The following LITAF variants were observed in gnomAD, a reference collection of about 807,000 sequenced individuals.
The protein encoded by LITAF is lipopolysaccharide induced TNF factor.
In LITAF, 9 loss-of-function variants were observed where a neutral mutation model predicts 14.5. That is an observed-to-expected ratio of 0.62 (90% CI 0.37 to 1.08). The LOEUF is 1.08. Among genes scored for constraint, LITAF ranks in the 50% least tolerant of loss-of-function variants. The probability of loss-of-function intolerance (pLI) is 0.01; values close to 1 mark genes in which losing one functional copy is unlikely to be tolerated. For synonymous variants in LITAF, 98 were observed against 88.2 expected (o/e 1.11, Z -0.62); for missense variants, 206 against 213.4 (o/e 0.97, Z 0.22).
Position 11,549,538 on chromosome 16 carries a change from G to A in LITAF, c.*99C>T, listed in dbSNP as rs149712652. ...ACATGAAGGTGGGCCCCCTGGAGAG[G>A]TGAGACCACCAGGGCAGAACCTCCA... is the stretch of plus-strand genomic sequence containing the variant. On this transcript the variant is annotated 3_prime_UTR_variant, in exon 4 of 4. Coordinates refer to ENST00000622633, the MANE Select transcript of LITAF (RefSeq NM_001136472.2). This position sits in a 1 kb window ranked among gnomAD's most constrained non-coding sequence, Gnocchi z 4.6. 6.3e-3 allele frequency: 5,513 copies of A among 874,244 alleles called. 28 individuals carry two copies. The highest frequency in any genetic ancestry group is 0.015 in the South Asian group (1,053 of 70,256). 54.2% of individuals were successfully genotyped at this position (874,244 alleles called of 1,614,324 possible). A position where few individuals can be genotyped will look rare whatever the true frequency, so the allele number is the denominator to read the frequency against.
rs2064309124 is a variant in LITAF, at chr16:11,558,524, A to C, written c.-5-1789T>G. On this transcript the variant is annotated intron_variant, in intron 1 of 3. Transcript: ENST00000622633. This position sits in a 1 kb window ranked among gnomAD's most constrained non-coding sequence, Gnocchi z 4.1. ...GGAATTCACCACCAGCCTGGGCAAC[A>C]TAGTGAGACCCTGTCTCTACAACGA... Among the ~76,000 whole-genome samples the C allele has an allele frequency of 6.6e-6, 1 of 152,148 alleles. No homozygotes were observed. The highest frequency in any genetic ancestry group is 1.5e-5 in the Non-Finnish European group (1 of 68,018).
chr16:11,626,961 G>A (rs183757192), intron 3 of LITAF, among the ~76,000 whole-genome samples: 2 of 152,140 alleles, frequency 1.3e-5, no homozygotes, highest in Admixed American at 1.3e-4. Context: ...TCCCACCGCA[G>A]CCTCCCAAGT....
At chr16:11,580,562 T>A in intron 1 of LITAF, among the ~76,000 whole-genome samples, 1 of 151,978 alleles carries the variant, frequency 6.6e-6, no homozygotes, top group East Asian at 1.9e-4. Flanking sequence ...GGCTGGAAGA[T>A]CTTAACTTAG....
chr16:11,609,301 T>G (rs1036045103), intron 3 of LITAF, among the ~76,000 whole-genome samples: 1 of 150,492 alleles, frequency 6.6e-6, no homozygotes, highest in Non-Finnish European at 1.5e-5. Flanking sequence ...AACCTCCACC[T>G]CCTGAGTTCA....
At chr16:11,576,554 A>AAAAAAAAC (rs1555469756) in intron 1 of LITAF, among the ~76,000 whole-genome samples, 1 of 116,660 alleles carries the variant, frequency 8.6e-6, no homozygotes, top group Non-Finnish European at 1.7e-5. Context: ...AAAAAAAAAA[A>AAAAAAAAC]AGAGAGAGAG....
intron 1 of LITAF, chr16:11,636,150 G>C (rs1229854634): frequency 6.6e-6 from 1 of 152,226 alleles, no homozygotes; most frequent in Non-Finnish European, 1.5e-5. Context: ...CAATTCTCCA[G>C]CCTCCTCGGA....
chr16:11,551,030 A>G (rs2064174337), intron 3 of LITAF, among the ~76,000 whole-genome samples: 2 of 152,178 alleles, frequency 1.3e-5, no homozygotes, highest in Non-Finnish European at 2.9e-5. Flanking sequence ...TCCCCAAATA[A>G]TGCCTCTTAA....
chr16:11,610,900 G>A (rs11640929), intron 3 of LITAF, among the ~76,000 whole-genome samples: 54,729 of 151,854 alleles, frequency 0.36, 12,022 homozygotes, highest in Middle Eastern at 0.49. Flanking sequence ...CATGGAAGAC[G>A]GAACAAGACC....
In LITAF at chr16:11,581,274, G is replaced by T. The variant is rs141772040; in HGVS notation, c.-6+5612C>A. Among the ~76,000 whole-genome samples, 8 of 152,282 alleles carry T rather than the reference G, an allele frequency of 5.3e-5. No homozygotes were observed. In the South Asian group the frequency reaches 1.4e-3, roughly 28 times the overall value. The stretch of plus-strand genomic sequence containing the variant: ...GAAAGTCTTCTCTCTCCCCTACATA[G>T]GCCAAGAGTAAGAAAAACTATAAGG... On this transcript the variant is annotated intron_variant, in intron 1 of 3. Coordinates refer to ENST00000622633, the MANE Select transcript of LITAF (RefSeq NM_001136472.2).
intron 2 of LITAF, among the ~76,000 whole-genome samples, chr16:11,555,408 A>G (rs1012903090): frequency 5.3e-5 from 8 of 152,136 alleles, no homozygotes; most frequent in African/African-American, 1.4e-4. Flanking sequence ...GATAATTCTA[A>G]CACTTTGGGA....
At chr16:11,575,186 G>C (rs2064611746) in intron 1 of LITAF, among the ~76,000 whole-genome samples, 1 of 152,170 alleles carries the variant, frequency 6.6e-6, no homozygotes, top group African/African-American at 2.4e-5. Context: ...AAAGGATTGA[G>C]AGATGTGGAC....
chr16:11,587,354 C>T, upstream of LITAF: 1 of 452,782 alleles, frequency 2.2e-6, no homozygotes, highest in Non-Finnish European at 4.4e-6. Context: ...CCCGGACCCG[C>T]GCTGGGGCGC....
rs1341185052 is a variant in LITAF, at chr16:11,553,749, C to T, written c.221-60G>A. On this transcript the variant is annotated intron_variant, in intron 2 of 3. Transcript: ENST00000622633. This position sits in a 1 kb window ranked among gnomAD's most constrained non-coding sequence, Gnocchi z 7.7. ...CAGGAAACAAGGCCAATAGCATTCACTACAGGACAAAGAGAGGAACGCAGG... is the reference window on the plus strand; with the variant it reads ...CAGGAAACAAGGCCAATAGCATTCATTACAGGACAAAGAGAGGAACGCAGG... 4 of 1,586,550 alleles carry T rather than the reference C, an allele frequency of 2.5e-6. No individual in the cohort carries two copies. Among genetic ancestry groups the T allele is most frequent in the Admixed American group, 1.7e-5 (1 of 59,334 alleles).
chr16:11,570,029 C>CAAAAAAAAAAA (rs61431032), intron 1 of LITAF, among the ~76,000 whole-genome samples: 8 of 122,818 alleles, frequency 6.5e-5, no homozygotes, highest in African/African-American at 1.5e-4. Context: ...GACTTTGCCT[C>CAAAAAAAAAAA]AAAAAAAAAA....
At chr16:11,563,559 A>G (rs1485112204) in intron 1 of LITAF, among the ~76,000 whole-genome samples, 1 of 152,150 alleles carries the variant, frequency 6.6e-6, no homozygotes, top group African/African-American at 2.4e-5. Context: ...CTAATACATG[A>G]AAGTGCGTTT....
At chr16:11,639,912 G>A (rs2065157956), upstream of LITAF, among the ~76,000 whole-genome samples, 1 of 152,152 alleles carries the variant, frequency 6.6e-6, no homozygotes, top group Non-Finnish European at 1.5e-5. Context: ...GTAGCTGGGA[G>A]TACAGGCGAG....
intron 3 of LITAF, among the ~76,000 whole-genome samples, chr16:11,628,009 CAAAAAA>C (rs34480494): frequency 1.8e-5 from 1 of 54,752 alleles, no homozygotes; most frequent in Non-Finnish European, 3.2e-5. Flanking sequence ...GAGACTCTGT[CAAAAAA>C]AAAAAAAAAA....
intron 1 of LITAF, among the ~76,000 whole-genome samples, chr16:11,576,647 C>T (rs901829343): frequency 2.0e-5 from 3 of 151,018 alleles, no homozygotes; most frequent in East Asian, 3.9e-4. Context: ...AACAGTCCAA[C>T]ATGGGGCTGA....
chr16:11,614,121 T>G (rs994909437), intron 3 of LITAF, among the ~76,000 whole-genome samples: 2 of 151,982 alleles, frequency 1.3e-5, no homozygotes, highest in African/African-American at 4.8e-5. Flanking sequence ...CTCTCCTTTC[T>G]CCCTCCTACG....
Sources: gnomAD v4.1 joint callset for allele counts (sites outside exome capture counted in the v4.1 genomes callset) on GRCh38, gnomAD v4.1.1 for gene constraint, Gnocchi (gnomAD v3.1) non-coding constraint, MANE v1.5 for transcripts, NCBI Gene and HGNC (gene_info 2026-07-23, HGNC 2026-07-21) for gene names.